SLC35F3: variants seen among roughly 807,000 people sequenced by gnomAD.
SLC35F3 encodes the protein solute carrier family 35 member F3.
SLC35F3 carries 25 observed loss-of-function variants against 49.9 expected under a neutral mutation model. The ratio of observed to expected loss-of-function variants is 0.50; its 90% CI spans 0.37 to 0.70. SLC35F3 has a LOEUF of 0.70. Ranked by LOEUF, SLC35F3 falls within the 30% of genes least tolerant of loss-of-function variation. SLC35F3 has a pLI of 0.00. For synonymous variants in SLC35F3, 275 were observed against 265.4 expected, an observed-to-expected ratio of 1.04 and a Z score of -0.35; for missense variants, 525 against 639.8, an observed-to-expected ratio of 0.82 and a Z score of 1.94.
intron 2 of SLC35F3, among the ~76,000 whole-genome samples, chr1:234,049,842 G>A (rs1256287504): frequency 6.6e-6 from 1 of 152,114 alleles, no homozygotes; most frequent in Admixed American, 6.5e-5. Flanking sequence ...CTGTGTCCAA[G>A]TGTTCTCATT....
chr1:234,281,757 G>T (rs369725681), intron 3 of SLC35F3, among the ~76,000 whole-genome samples: 2 of 151,980 alleles, frequency 1.3e-5, no homozygotes, highest in African/African-American at 4.8e-5. Flanking sequence ...TCCACCTTTC[G>T]CTTGGAAAGA....
At chr1:233,965,706 G>T (rs1340952671) in intron 2 of SLC35F3, among the ~76,000 whole-genome samples, 2 of 152,186 alleles carry the variant, frequency 1.3e-5, no homozygotes, top group African/African-American at 4.8e-5. Flanking sequence ...CCAGCCTCCA[G>T]ATGAGAACAC....
chr1:234,007,885 C>G (rs1348966172), intron 2 of SLC35F3, among the ~76,000 whole-genome samples: 2 of 152,130 alleles, frequency 1.3e-5, no homozygotes, highest in African/African-American at 4.8e-5. Flanking sequence ...GTGCCATAGT[C>G]AGCTTTTTTA....
At chr1:234,271,788 TC>T in intron 3 of SLC35F3, among the ~76,000 whole-genome samples, 1 of 152,298 alleles carries the variant, frequency 6.6e-6, no homozygotes, top group South Asian at 2.1e-4. Flanking sequence ...TCCTTGACCT[TC>T]AATTAATGAG....
intron 2 of SLC35F3, among the ~76,000 whole-genome samples, chr1:234,222,661 G>T (rs556214514): frequency 1.1e-4 from 17 of 152,304 alleles, no homozygotes; most frequent in African/African-American, 3.9e-4. Context: ...CTGCAGGAGA[G>T]GGCAGTGTCT....
At chr1:234,091,538 G>C (rs1206730120) in intron 2 of SLC35F3, among the ~76,000 whole-genome samples, 1 of 152,074 alleles carries the variant, frequency 6.6e-6, no homozygotes, top group Non-Finnish European at 1.5e-5. Context: ...GGCCCTGCCA[G>C]TGCATTCTCT....
intron 2 of SLC35F3, among the ~76,000 whole-genome samples, chr1:234,148,020 G>A (rs563861873): frequency 2.8e-4 from 43 of 152,274 alleles, no homozygotes; most frequent in East Asian, 1.3e-3. Flanking sequence ...TGATTATAAC[G>A]GCAAGAAGGG....
intron 2 of SLC35F3, among the ~76,000 whole-genome samples, chr1:233,993,039 T>C (rs1458044970): frequency 6.6e-6 from 1 of 152,194 alleles, no homozygotes; most frequent in Non-Finnish European, 1.5e-5. Flanking sequence ...CCTTGCCTAA[T>C]GCTCCCTTTG....
rs536911896 is a variant in SLC35F3 at position 234,231,353 on chromosome 1, C to T, written c.284-64C>T. 2.0e-5 allele frequency: 26 copies of T among 1,296,060 alleles called. No homozygotes were observed. Among genetic ancestry groups the T allele is most frequent in the Admixed American group, 1.1e-4 (4 of 35,050 alleles). The allele number at this position is 1,296,060 out of a possible 1,614,324, so 80.3% of individuals were successfully genotyped here. On this transcript the variant is annotated intron_variant, in intron 2 of 7. Transcript: ENST00000366618. This position sits in a 1 kb window ranked among gnomAD's most constrained non-coding sequence, Gnocchi z 5.4. ...GGTGGTGACAATGGCTGCAGGGCAG[C>T]GCCCTGCGAAGTGCAGGGGTGAAGG...
At chr1:234,202,003 C>G (rs181108537) in intron 2 of SLC35F3, among the ~76,000 whole-genome samples, 1 of 150,858 alleles carries the variant, frequency 6.6e-6, no homozygotes, top group East Asian at 1.9e-4. Flanking sequence ...CAATGCTAGA[C>G]TGAATAAAGA....
chr1:234,059,362 T>C (rs1664504213), intron 2 of SLC35F3, among the ~76,000 whole-genome samples: 1 of 152,182 alleles, frequency 6.6e-6, no homozygotes, highest in Admixed American at 6.5e-5. Context: ...TTTTTCATTT[T>C]TTTGTAAGTG....
intron 3 of SLC35F3, among the ~76,000 whole-genome samples, chr1:234,247,137 A>T (rs1667644651): frequency 1.3e-5 from 2 of 152,346 alleles, no homozygotes; most frequent in South Asian, 2.1e-4. Flanking sequence ...CCCAAGTTGT[A>T]TGGGAAGGTT....
At chr1:234,271,049 A>G (rs1668094081) in intron 3 of SLC35F3, among the ~76,000 whole-genome samples, 1 of 152,254 alleles carries the variant, frequency 6.6e-6, no homozygotes, top group Admixed American at 6.5e-5. Flanking sequence ...GCAATAGCCT[A>G]AGTGTGCATT....
chr1:234,066,051 T>TA (rs1664612225), intron 2 of SLC35F3, among the ~76,000 whole-genome samples: 1 of 152,184 alleles, frequency 6.6e-6, no homozygotes, highest in Non-Finnish European at 1.5e-5. Flanking sequence ...TCTGCTCTGG[T>TA]ATCCGTATCA....
intron 2 of SLC35F3, among the ~76,000 whole-genome samples, chr1:234,010,400 CA>C (rs1663696946): frequency 6.6e-6 from 1 of 152,070 alleles, no homozygotes; most frequent in African/African-American, 2.4e-5. Flanking sequence ...CATGAAACCA[CA>C]AGGGAAGACA....
At chr1:234,108,725 A>ATT (rs1392926925) in intron 2 of SLC35F3, among the ~76,000 whole-genome samples, 5 of 72,250 alleles carry the variant, frequency 6.9e-5, no homozygotes, top group Non-Finnish European at 7.5e-5. Context: ...AGATATATAT[A>ATT]AATATATATA....
intron 2 of SLC35F3, among the ~76,000 whole-genome samples, chr1:233,944,198 C>A (rs1369228162): frequency 6.6e-6 from 1 of 152,126 alleles, no homozygotes; most frequent in Non-Finnish European, 1.5e-5. Context: ...CAGAGCTGAA[C>A]TGAAGGAGAT....
At position 234,231,380 on chromosome 1, in the gene SLC35F3, C is replaced by T; in HGVS notation, c.284-37C>T. ...CCCTGCGAAGTGCAGGGGTGAAGGT[C>T]TGCAGGCCCCGCTAACCACGCCCTT... On this transcript the variant is annotated intron_variant, in intron 2 of 7. Coordinates refer to ENST00000366618, the MANE Select transcript of SLC35F3 (RefSeq NM_173508.4). The surrounding 1 kb of genome is among the most constrained non-coding windows in gnomAD (Gnocchi z 5.4). The T allele has an allele frequency of 6.9e-7, 1 of 1,452,012 alleles. No homozygotes were observed. The highest frequency in any genetic ancestry group is 9.1e-7 in the Non-Finnish European group (1 of 1,097,176). 89.9% of individuals were successfully genotyped at this position (1,452,012 alleles called of 1,614,324 possible).
chr1:234,248,677 A>C (rs1380139643), intron 3 of SLC35F3, among the ~76,000 whole-genome samples: 2 of 152,238 alleles, frequency 1.3e-5, no homozygotes, highest in African/African-American at 4.8e-5. Flanking sequence ...GGCTATATTC[A>C]AAAAGCACTC....
Sources: gnomAD v4.1 joint callset for allele counts (sites outside exome capture counted in the v4.1 genomes callset) on GRCh38, gnomAD v4.1.1 for gene constraint, Gnocchi (gnomAD v3.1) non-coding constraint, MANE v1.5 for transcripts, NCBI Gene and HGNC (gene_info 2026-07-23, HGNC 2026-07-21) for gene names.